The following SLC35A1 variants were observed in gnomAD, a reference collection of about 807,000 sequenced individuals.
The protein encoded by SLC35A1 is CMP-sialic acid transporter.
SLC35A1 carries 21 observed loss-of-function variants against 40.3 expected under a neutral mutation model. That is an observed-to-expected ratio of 0.52 (90% CI 0.37 to 0.75). The LOEUF (loss-of-function observed/expected upper bound fraction) is 0.75. Among genes scored for constraint, SLC35A1 ranks in the 30% least tolerant of loss-of-function variants. The pLI is 0.00. For missense variants in SLC35A1, 297 were observed against 382.1 expected, an observed-to-expected ratio of 0.78 and a Z score of 1.86; for synonymous variants, 146 against 147.3, an observed-to-expected ratio of 0.99 and a Z score of 0.06.
intron 2 of SLC35A1, chr6:87,488,173 C>T (rs139024873): frequency 1.2e-4 from 18 of 152,194 alleles, no homozygotes; most frequent in African/African-American, 4.3e-4. Context: ...GGGTCTGGAA[C>T]TCAGAAGAGA....
At chr6:87,482,184 AATTT>A (rs1456707525) in intron 2 of SLC35A1, among the ~76,000 whole-genome samples, 2 of 152,266 alleles carry the variant, frequency 1.3e-5, no homozygotes, top group Non-Finnish European at 2.9e-5. Context: ...ATAACCAGTT[AATTT>A]ATTTTAGGAT....
At chr6:87,502,727 A>G (rs1377696599) in intron 4 of SLC35A1, among the ~76,000 whole-genome samples, 3 of 152,260 alleles carry the variant, frequency 2.0e-5, no homozygotes, top group Non-Finnish European at 2.9e-5. Flanking sequence ...CAAAGTATCT[A>G]TTTTACAATT....
intron 2 of SLC35A1, among the ~76,000 whole-genome samples, chr6:87,497,607 T>C (rs938291961): frequency 6.6e-6 from 1 of 152,136 alleles, no homozygotes; most frequent in Admixed American, 6.5e-5. Flanking sequence ...GTATCGTGAT[T>C]ATTTGGAGTA....
At position 87,506,364 on chromosome 6, in the gene SLC35A1, T is replaced by C. The variant is rs914279344; in HGVS notation, c.508-18T>C. ...GTTTATTAGTCACTAAAAATAACTT[T>C]AACAATTAATATTGCAGGTGGAACA... On this transcript the variant is annotated intron_variant, in intron 4 of 7. Transcript: ENST00000369552. 3.7e-6 allele frequency: 6 copies of C among 1,602,596 alleles called. No individual in the cohort carries two copies. Among genetic ancestry groups the C allele is most frequent in the East Asian group, 2.2e-5 (1 of 44,736 alleles).
At chr6:87,475,034 T>G (rs1235102089) in intron 1 of SLC35A1, among the ~76,000 whole-genome samples, 1 of 152,212 alleles carries the variant, frequency 6.6e-6, no homozygotes, top group Non-Finnish European at 1.5e-5. Context: ...CTTCTCTTAT[T>G]TATGAAAGTG....
At position 87,509,099 on chromosome 6, in the gene SLC35A1, C is replaced by T. The variant is rs1246048227; in HGVS notation, c.810C>T (p.Ile270=). Reference sequence around the variant, plus strand: ...TTGTGGTTAAGTACACAGACAACATCATGAAAGGCTTTTCTGCAGCAGCGG... The same window carrying T: ...TTGTGGTTAAGTACACAGACAACATTATGAAAGGCTTTTCTGCAGCAGCGG... ...TSVVVKYTDN[I]MKGFSAAAAI... Residue 270 remains isoleucine, a synonymous_variant, in exon 7 of 8, where the codon ATC becomes ATT. Coordinates refer to ENST00000369552, the MANE Select transcript of SLC35A1 (RefSeq NM_006416.5). 6.2e-7 allele frequency: 1 copy of T among 1,614,076 alleles called. No homozygotes were observed. The highest frequency in any genetic ancestry group is 8.5e-7 in the Non-Finnish European group (1 of 1,179,944).
At chr6:87,499,111 A>G in intron 2 of SLC35A1, 3 of 983,846 alleles carry the variant, frequency 3.0e-6, no homozygotes, top group South Asian at 9.4e-5. Context: ...TTCCTGTCTT[A>G]TTAATTAAGC....
Position 87,509,151 on chromosome 6 carries a change from G to A in SLC35A1, c.862G>A (p.Val288Ile). ...AAIVLSTIAS[V>I]MLFGLQITLT... Reference sequence around the variant, plus strand: ...CATTGTCCTTTCCACCATTGCTTCAGTAATGCTGTTTGGATTACAGATAAG... The same window carrying A: ...CATTGTCCTTTCCACCATTGCTTCAATAATGCTGTTTGGATTACAGATAAG... The change falls in exon 7 of 8, where the codon GTA becomes ATA. Residue 288 changes from valine (V) to isoleucine (I), a missense_variant. Coordinates refer to ENST00000369552, the MANE Select transcript of SLC35A1 (RefSeq NM_006416.5). The A allele has an allele frequency of 6.2e-7, 1 of 1,614,120 alleles. No homozygotes were observed. The highest frequency in any genetic ancestry group is 8.5e-7 in the Non-Finnish European group (1 of 1,179,974).
intron 7 of SLC35A1, among the ~76,000 whole-genome samples, chr6:87,510,862 A>G (rs1176263992): frequency 6.7e-6 from 1 of 149,806 alleles, no homozygotes; most frequent in African/African-American, 2.5e-5. Context: ...CAAAAGCGAA[A>G]CTCCGTCTCA....
At chr6:87,474,799 C>G (rs1450232534) in intron 1 of SLC35A1, among the ~76,000 whole-genome samples, 1 of 152,130 alleles carries the variant, frequency 6.6e-6, no homozygotes, top group Non-Finnish European at 1.5e-5. Context: ...TATTTGATTA[C>G]CCTTCCACTT....
rs1769919733 is a variant in SLC35A1 at position 87,501,392 on chromosome 6, T to C, written c.507+82T>C. 17 of 1,342,210 alleles carry C rather than the reference T, an allele frequency of 1.3e-5. No individual in the cohort carries two copies. The East Asian group carries it at 2.7e-4, about 21-fold the overall frequency. The allele number at this position is 1,342,210 out of a possible 1,614,324, so 83.1% of individuals were successfully genotyped here. A position where few individuals can be genotyped will look rare whatever the true frequency, so the allele number is the denominator to read the frequency against. On this transcript the variant is annotated intron_variant, in intron 4 of 7. Coordinates refer to ENST00000369552, the MANE Select transcript of SLC35A1 (RefSeq NM_006416.5). ...TATACTGTTCAGTTACATTGATGCA[T>C]GCAGCATGACTACATTTCTTTGATT...
intron 2 of SLC35A1, among the ~76,000 whole-genome samples, chr6:87,487,842 C>T (rs1002733304): frequency 6.6e-6 from 1 of 152,150 alleles, no homozygotes; most frequent in Non-Finnish European, 1.5e-5. Flanking sequence ...AATTTTTTGC[C>T]ACTCTGCACA....
At chr6:87,501,048 C>T in intron 3 of SLC35A1, 110 bp from the exon 4 acceptor site, 2 of 1,107,720 alleles carry the variant, frequency 1.8e-6, no homozygotes, top group Non-Finnish European at 2.7e-6. Flanking sequence ...CCGTGCCCGG[C>T]CATTATCAAA....
chr6:87,491,967 T>G (rs540289195), intron 2 of SLC35A1, among the ~76,000 whole-genome samples: 1 of 152,350 alleles, frequency 6.6e-6, no homozygotes, highest in East Asian at 1.9e-4. Context: ...ATTTAGCCCA[T>G]AGCACATTAC....
intron 2 of SLC35A1, among the ~76,000 whole-genome samples, chr6:87,490,335 A>ATTTT (rs55804456): frequency 1.4e-5 from 2 of 138,338 alleles, no homozygotes; most frequent in Admixed American, 7.3e-5. Flanking sequence ...TATTGTCATC[A>ATTTT]TTTTTTTTTT....
At chr6:87,486,425 G>T (rs912893417) in intron 2 of SLC35A1, among the ~76,000 whole-genome samples, 1 of 152,050 alleles carries the variant, frequency 6.6e-6, no homozygotes. Flanking sequence ...TCAGGTTCAC[G>T]CATTCATTTA....
chr6:87,509,257 G>C, intron 7 of SLC35A1, 82 bp downstream of exon 7: 1 of 1,548,098 alleles, frequency 6.5e-7, no homozygotes, highest in Non-Finnish European at 8.9e-7. Context: ...TTTAAAAGTG[G>C]CAGTTGGTCA....
intron 2 of SLC35A1, among the ~76,000 whole-genome samples, chr6:87,479,194 C>T (rs1440258043): frequency 6.6e-6 from 1 of 152,208 alleles, no homozygotes; most frequent in Non-Finnish European, 1.5e-5. Context: ...ACAATCCCCT[C>T]CTCTTGCATT....
chr6:87,487,528 A>G (rs1409955348), intron 2 of SLC35A1, among the ~76,000 whole-genome samples: 3 of 152,184 alleles, frequency 2.0e-5, no homozygotes, highest in Non-Finnish European at 2.9e-5. Flanking sequence ...TTTAATGTAC[A>G]TTATTGATTA....
Sources: gnomAD v4.1 joint callset for allele counts (sites outside exome capture counted in the v4.1 genomes callset) on GRCh38, gnomAD v4.1.1 for gene constraint, MANE v1.5 for transcripts, NCBI Gene and HGNC (gene_info 2026-07-23, HGNC 2026-07-21) for gene names.